Variants in PTPRT observed in about 807,000 individuals in gnomAD.
PTPRT encodes receptor-type tyrosine-protein phosphatase T.
In PTPRT, 56 loss-of-function variants were observed where a neutral mutation model predicts 176.8. The observed-to-expected ratio is 0.32, with a 90% CI of 0.26 to 0.40. PTPRT has a LOEUF of 0.40. PTPRT is among the 10% of genes least tolerant of loss of function. The pLI is 1.00. For synonymous variants in PTPRT, 783 were observed against 739.0 expected, an observed-to-expected ratio of 1.06 and a Z score of -0.96; for missense variants, 1,540 against 1,908.2, an observed-to-expected ratio of 0.81 and a Z score of 3.60.
At chr20:42,100,359 T>A (rs1027354510) in intron 26 of PTPRT, among the ~76,000 whole-genome samples, 10 of 152,218 alleles carry the variant, frequency 6.6e-5, no homozygotes, top group Non-Finnish European at 1.3e-4. Context: ...CCAGAGGACT[T>A]CATATTTTTC....
intron 1 of PTPRT, among the ~76,000 whole-genome samples, chr20:43,116,944 G>T (rs2013083276): frequency 6.6e-6 from 1 of 152,184 alleles, no homozygotes; most frequent in Non-Finnish European, 1.5e-5. Flanking sequence ...TCAGATGTCT[G>T]TATGTTGTCT....
chr20:42,235,413 A>G (rs1052612900), intron 15 of PTPRT, among the ~76,000 whole-genome samples: 2 of 152,038 alleles, frequency 1.3e-5, no homozygotes, highest in East Asian at 1.9e-4. Flanking sequence ...GACGCCTGCC[A>G]TCACGCCCAG....
chr20:42,606,584 A>G (rs2145808423), intron 7 of PTPRT: 1 of 152,328 alleles, frequency 6.6e-6, no homozygotes, highest in East Asian at 1.9e-4. Flanking sequence ...TGTGATATAG[A>G]AAGCATGATC....
At chr20:42,199,039 A>G (rs1991342993) in intron 16 of PTPRT, among the ~76,000 whole-genome samples, 1 of 152,144 alleles carries the variant, frequency 6.6e-6, no homozygotes, top group Non-Finnish European at 1.5e-5. Flanking sequence ...GATTTGGGGA[A>G]GATTTTTTAA....
At chr20:42,822,388 A>G (rs2077910337) in intron 2 of PTPRT, among the ~76,000 whole-genome samples, 1 of 152,230 alleles carries the variant, frequency 6.6e-6, no homozygotes, top group African/African-American at 2.4e-5. Context: ...TATACCTTAT[A>G]GAAAAATTAT....
chr20:43,094,667 G>A (rs576050017), intron 1 of PTPRT, among the ~76,000 whole-genome samples: 1 of 152,210 alleles, frequency 6.6e-6, no homozygotes, highest in South Asian at 2.1e-4. Context: ...AAAGTGCTGG[G>A]ATTACAGGTG....
chr20:43,051,782 T>C (rs1451839612), intron 1 of PTPRT, among the ~76,000 whole-genome samples: 2 of 152,042 alleles, frequency 1.3e-5, no homozygotes, highest in Non-Finnish European at 2.9e-5. Context: ...CAGCAAGCTT[T>C]AAACAACTAA....
intron 7 of PTPRT, among the ~76,000 whole-genome samples, chr20:42,504,565 CT>C (rs2071811615): frequency 6.6e-6 from 1 of 152,036 alleles, no homozygotes; most frequent in South Asian, 2.1e-4. Context: ...GTTTCATCAA[CT>C]TTTTTCCTAT....
intron 1 of PTPRT, among the ~76,000 whole-genome samples, chr20:42,916,692 G>C (rs1004331747): frequency 1.3e-5 from 2 of 152,160 alleles, no homozygotes; most frequent in African/African-American, 4.8e-5. Flanking sequence ...TTGTGGTTTT[G>C]ATTTGCATTT....
At chr20:43,160,097 A>G (rs2014650809) in intron 1 of PTPRT, among the ~76,000 whole-genome samples, 2 of 152,286 alleles carry the variant, frequency 1.3e-5, no homozygotes, top group African/African-American at 2.4e-5. Flanking sequence ...CCCATACAGC[A>G]GAACAGACGT....
chr20:43,115,202 A>G (rs1218438768), intron 1 of PTPRT, among the ~76,000 whole-genome samples: 2 of 152,112 alleles, frequency 1.3e-5, no homozygotes, highest in African/African-American at 4.8e-5. Flanking sequence ...AAAGATGCCC[A>G]ATTCCAATAT....
intron 1 of PTPRT, among the ~76,000 whole-genome samples, chr20:43,070,662 C>G (rs772704268): frequency 6.6e-6 from 1 of 152,092 alleles, no homozygotes; most frequent in Non-Finnish European, 1.5e-5. Context: ...AGGATGAGTT[C>G]ATGTCCTTTG....
intron 7 of PTPRT, among the ~76,000 whole-genome samples, chr20:42,526,946 G>GGTAAAT (rs1568950871): frequency 7.2e-6 from 1 of 138,580 alleles, no homozygotes. Flanking sequence ...TGACTTCTTG[G>GGTAAAT]TTCTTTTTTC....
intron 1 of PTPRT, among the ~76,000 whole-genome samples, chr20:42,997,942 C>A (rs2146122063): frequency 6.6e-6 from 1 of 152,206 alleles, no homozygotes; most frequent in South Asian, 2.1e-4. Context: ...GCTGGAGTAT[C>A]AAGATGATGG....
intron 13 of PTPRT, among the ~76,000 whole-genome samples, chr20:42,268,386 G>A (rs1017978391): frequency 2.0e-5 from 3 of 152,150 alleles, no homozygotes; most frequent in Non-Finnish European, 4.4e-5. Context: ...CTGACTGCTC[G>A]ACTGGAATAG....
At chr20:42,729,212 A>C (rs895874098) in intron 6 of PTPRT, among the ~76,000 whole-genome samples, 2 of 152,198 alleles carry the variant, frequency 1.3e-5, no homozygotes, top group African/African-American at 4.8e-5. Context: ...CCCTGAACTA[A>C]AAATGCTTCT....
In PTPRT at chr20:42,315,700, G is replaced by A. The variant is rs752795898; in HGVS notation, c.2139+23C>T. The A allele has an allele frequency of 6.9e-6, 11 of 1,604,520 alleles. No individual in the cohort carries two copies. The Admixed American group carries it at 1.8e-4, about 27-fold the overall frequency. ...AAAAAATGCAAACAAGGCAAGGAAT[G>A]GCCTCCATGTGGCCATACTTACTCC... On this transcript the variant is annotated intron_variant, in intron 12 of 30. Transcript: ENST00000373187.
At chr20:43,106,812 C>A (rs577213357) in intron 1 of PTPRT, among the ~76,000 whole-genome samples, 1 of 150,458 alleles carries the variant, frequency 6.6e-6, no homozygotes, top group Admixed American at 6.6e-5. Context: ...TTTTTTGAAA[C>A]GGAGTTTCGC....
intron 11 of PTPRT, among the ~76,000 whole-genome samples, chr20:42,336,679 A>C (rs2058044594): frequency 6.6e-6 from 1 of 152,050 alleles, no homozygotes; most frequent in Non-Finnish European, 1.5e-5. Flanking sequence ...AAACATGAAT[A>C]AATTTGTGAT....
Sources: gnomAD v4.1 joint callset for allele counts (sites outside exome capture counted in the v4.1 genomes callset) on GRCh38, gnomAD v4.1.1 for gene constraint, MANE v1.5 for transcripts, NCBI Gene and HGNC (gene_info 2026-07-23, HGNC 2026-07-21) for gene names.